Variants in SRFBP1 observed in about 807,000 individuals in gnomAD.
The protein encoded by SRFBP1 is serum response factor binding protein 1, also known as serum response factor-binding protein 1.
A neutral mutation model predicts 45.5 loss-of-function variants in SRFBP1; 47 were observed. That is an observed-to-expected ratio of 1.03 (90% confidence interval 0.82 to 1.32). The LOEUF is 1.32. Among genes scored for constraint, SRFBP1 ranks in the 40% most tolerant of loss-of-function variants. The pLI, the probability that SRFBP1 is intolerant of heterozygous loss-of-function variation, is 0.00. For synonymous variants in SRFBP1, 203 were observed against 166.3 expected, an observed-to-expected ratio of 1.22 and a Z score of -1.70; for missense variants, 621 against 484.6, an observed-to-expected ratio of 1.28 and a Z score of -2.64.
intron 1 of SRFBP1, among the ~76,000 whole-genome samples, chr5:121,966,777 T>A (rs1342238926): frequency 2.0e-5 from 3 of 151,544 alleles, no homozygotes; most frequent in Non-Finnish European, 4.4e-5. Context: ...TTTTTATTTT[T>A]TATTTTTTAT....
intron 4 of SRFBP1, among the ~76,000 whole-genome samples, chr5:122,006,181 AT>A (rs36070438): frequency 4.6e-5 from 7 of 151,584 alleles, no homozygotes; most frequent in South Asian, 4.2e-4. Context: ...CTTCATTGGC[AT>A]TTTTTTTCAT....
At chr5:122,023,625 G>A (rs2083240674) in intron 7 of SRFBP1, among the ~76,000 whole-genome samples, 1 of 152,194 alleles carries the variant, frequency 6.6e-6, no homozygotes, top group Non-Finnish European at 1.5e-5. Context: ...CATGGTCCGT[G>A]TCTAGGGAGG....
chr5:122,003,509 T>G (rs1752916878), intron 4 of SRFBP1, among the ~76,000 whole-genome samples: 2 of 152,174 alleles, frequency 1.3e-5, no homozygotes, highest in African/African-American at 2.4e-5. Flanking sequence ...ATACAATAAT[T>G]GGTTTTTTGC....
chr5:122,043,274 G>A (rs969528545), intron 2 of SRFBP1, among the ~76,000 whole-genome samples: 5 of 151,660 alleles, frequency 3.3e-5, no homozygotes, highest in Non-Finnish European at 4.4e-5. Context: ...GGAGTGCAGT[G>A]GTGCGATTTT....
chr5:122,035,073 AC>A (rs2112724316), intron 2 of SRFBP1, among the ~76,000 whole-genome samples: 1 of 151,054 alleles, frequency 6.6e-6, no homozygotes, highest in East Asian at 1.9e-4. Flanking sequence ...TTTTTCTATT[AC>A]CCTTTCACAA....
At position 121,962,023 on chromosome 5, in the gene SRFBP1, T is replaced by C; in HGVS notation, c.-10T>C. 8 of 1,613,986 alleles carry C rather than the reference T, an allele frequency of 5.0e-6. No individual in the cohort carries two copies. The highest frequency in any genetic ancestry group is 2.2e-5 in the East Asian group (1 of 44,844). ...TGCAGGCAGCGGCGGATCATATTCC[T>C]TCATCTACCATGGCTCAGCCGGGAA... On this transcript the variant is annotated 5_prime_UTR_variant, in exon 1 of 8. Coordinates refer to ENST00000339397, the MANE Select transcript of SRFBP1 (RefSeq NM_152546.3).
chr5:121,979,700 G>A (rs1173252396), intron 3 of SRFBP1, among the ~76,000 whole-genome samples: 1 of 152,134 alleles, frequency 6.6e-6, no homozygotes, highest in Non-Finnish European at 1.5e-5. Flanking sequence ...AGCAAGGAGA[G>A]AGATCTGGGA....
chr5:121,971,618 G>A (rs1279581099), intron 1 of SRFBP1, among the ~76,000 whole-genome samples: 2 of 151,980 alleles, frequency 1.3e-5, no homozygotes, highest in Non-Finnish European at 2.9e-5. Context: ...ACTCCTCTTT[G>A]TTTAGGTGGC....
At chr5:121,988,624 G>A (rs1752564424) in intron 3 of SRFBP1, among the ~76,000 whole-genome samples, 1 of 152,202 alleles carries the variant, frequency 6.6e-6, no homozygotes, top group Non-Finnish European at 1.5e-5. Flanking sequence ...AGTCACGTAA[G>A]CATGAATTGC....
chr5:121,970,390 C>T (rs984303011), intron 1 of SRFBP1, among the ~76,000 whole-genome samples: 2 of 152,130 alleles, frequency 1.3e-5, no homozygotes. Context: ...ATTATCATCT[C>T]ATGCACCTGC....
intron 3 of SRFBP1, among the ~76,000 whole-genome samples, chr5:121,980,685 A>G (rs1421488571): frequency 6.6e-6 from 1 of 152,004 alleles, no homozygotes; most frequent in African/African-American, 2.4e-5. Flanking sequence ...AGTCGCAGAG[A>G]TCCTGGATTT....
chr5:121,983,699 A>G lies in SRFBP1; in HGVS notation c.198+8312A>G, dbSNP rs369448877. 2.6e-5 allele frequency among the ~76,000 whole-genome samples: 4 copies of G among 151,878 alleles called. 1 individual carries two copies. The highest frequency in any genetic ancestry group is 2.4e-5 in the African/African-American group (1 of 41,542). Reference sequence around the variant, plus strand: ...TAATTTATAGGCGAAAAATGCATTCAGCTTAATTTTTAGAATATGAAGATT... The same window carrying G: ...TAATTTATAGGCGAAAAATGCATTCGGCTTAATTTTTAGAATATGAAGATT... On this transcript the variant is annotated intron_variant, in intron 3 of 7. Transcript: ENST00000339397.
chr5:121,982,722 C>T (rs1047688606), intron 3 of SRFBP1, among the ~76,000 whole-genome samples: 2 of 151,814 alleles, frequency 1.3e-5, no homozygotes, highest in South Asian at 4.2e-4. Context: ...TTCTAAGGAG[C>T]TGATTCTGGA....
intron 3 of SRFBP1, among the ~76,000 whole-genome samples, chr5:121,986,726 C>T (rs987766288): frequency 6.6e-6 from 1 of 152,050 alleles, no homozygotes; most frequent in Non-Finnish European, 1.5e-5. Context: ...ACTTTTTCTG[C>T]CTCATATCCG....
intron 4 of SRFBP1, among the ~76,000 whole-genome samples, chr5:122,013,021 T>C (rs1009055939): frequency 6.6e-6 from 1 of 152,202 alleles, no homozygotes; most frequent in South Asian, 2.1e-4. Flanking sequence ...CCTCTGACTC[T>C]TGTTGTTTCT....
At chr5:122,041,931 T>G (rs1318536982) in intron 2 of SRFBP1, among the ~76,000 whole-genome samples, 2 of 152,232 alleles carry the variant, frequency 1.3e-5, no homozygotes, top group Admixed American at 6.5e-5. Flanking sequence ...TGAAATTCAC[T>G]TTTAAATTTA....
At chr5:122,000,698 A>T (rs1380802626) in intron 4 of SRFBP1, among the ~76,000 whole-genome samples, 1 of 152,106 alleles carries the variant, frequency 6.6e-6, no homozygotes, top group Non-Finnish European at 1.5e-5. Context: ...TGACTATAAG[A>T]TGTTCACTCT....
chr5:121,966,573 A>C (rs1752073708), intron 1 of SRFBP1, among the ~76,000 whole-genome samples: 1 of 152,210 alleles, frequency 6.6e-6, no homozygotes, highest in Non-Finnish European at 1.5e-5. Flanking sequence ...CACAATTGAA[A>C]ACAACAGTGC....
intron 2 of SRFBP1, among the ~76,000 whole-genome samples, chr5:122,040,843 G>A (rs1753761644): frequency 1.3e-5 from 2 of 152,110 alleles, no homozygotes; most frequent in Admixed American, 1.3e-4. Flanking sequence ...TCAGATCTCT[G>A]TTCAAAGGTC....
Sources: gnomAD v4.1 joint callset for allele counts (sites outside exome capture counted in the v4.1 genomes callset) on GRCh38, gnomAD v4.1.1 for gene constraint, MANE v1.5 for transcripts, NCBI Gene and HGNC (gene_info 2026-07-23, HGNC 2026-07-21) for gene names.